Variants in PCSK5 observed in about 807,000 individuals in gnomAD.
The protein encoded by PCSK5 is proprotein convertase subtilisin/kexin type 5.
PCSK5 carries 129 observed loss-of-function variants against 233.2 expected under a neutral mutation model. The observed-to-expected ratio is 0.55, with a 90% CI of 0.48 to 0.64. The LOEUF (loss-of-function observed/expected upper bound fraction) is 0.64, where lower values mean the gene tolerates loss of function less well. Among genes scored for constraint, PCSK5 ranks in the 30% least tolerant of loss-of-function variants. The pLI is 0.00. For missense variants in PCSK5, 2,076 were observed against 2,430.1 expected, an observed-to-expected ratio of 0.85 and a Z score of 3.06; for synonymous variants, 825 against 879.2, an observed-to-expected ratio of 0.94 and a Z score of 1.09.
chr9:75,937,123 C>T (rs1824090271), intron 2 of PCSK5, among the ~76,000 whole-genome samples: 1 of 151,164 alleles, frequency 6.6e-6, no homozygotes, highest in East Asian at 2.0e-4. Flanking sequence ...GATGTGCTGT[C>T]ATCCAGGCTT....
At chr9:75,929,965 T>C (rs997964503) in intron 1 of PCSK5, among the ~76,000 whole-genome samples, 1 of 151,528 alleles carries the variant, frequency 6.6e-6, no homozygotes, top group African/African-American at 2.4e-5. Flanking sequence ...CAGATTCAAG[T>C]GATTCTTCTG....
chr9:76,362,899 T>G lies in PCSK5; in HGVS notation c.*3977T>G, dbSNP rs142014845. Among the ~76,000 whole-genome samples the G allele has an allele frequency of 5.3e-5, 8 of 152,254 alleles. No individual in the cohort carries two copies. The highest frequency in any genetic ancestry group is 1.9e-4 in the African/African-American group (8 of 41,540). ...GTGAGCCCTTAAAAGGGACAGGAAT[T>G]GCTCACTCGGGGAGCTCGGCTCTTG... On this transcript the variant is annotated 3_prime_UTR_variant, in exon 38 of 38. Transcript: ENST00000674117.
chr9:75,958,237 C>A (rs1825180654), intron 2 of PCSK5, among the ~76,000 whole-genome samples: 1 of 152,096 alleles, frequency 6.6e-6, no homozygotes, highest in Admixed American at 6.6e-5. Context: ...TTAAATGATA[C>A]CTGGGTGAGA....
intron 2 of PCSK5, among the ~76,000 whole-genome samples, chr9:75,977,045 G>A (rs962915430): frequency 6.6e-6 from 1 of 152,150 alleles, no homozygotes; most frequent in African/African-American, 2.4e-5. Context: ...AACGTCATAG[G>A]TTTCATTGAG....
chr9:76,054,709 A>T (rs1293138062), intron 5 of PCSK5, among the ~76,000 whole-genome samples: 1 of 152,242 alleles, frequency 6.6e-6, no homozygotes, highest in Non-Finnish European at 1.5e-5. Flanking sequence ...TTGCAAAAAT[A>T]GTACAGAGTT....
chr9:76,077,010 T>C (rs184487729), intron 7 of PCSK5, among the ~76,000 whole-genome samples: 63 of 152,154 alleles, frequency 4.1e-4, no homozygotes, highest in African/African-American at 1.4e-3. Flanking sequence ...TTCATGATGA[T>C]CTCAAAAGAT....
chr9:76,127,400 C>T (rs115911155), intron 9 of PCSK5, among the ~76,000 whole-genome samples: 2,084 of 152,218 alleles, frequency 0.014, 49 homozygotes, highest in African/African-American at 0.048. Flanking sequence ...GGCTAACCAT[C>T]AAGAGAGAAG....
chr9:76,001,700 T>C (rs1294270617), intron 3 of PCSK5, among the ~76,000 whole-genome samples: 1 of 152,142 alleles, frequency 6.6e-6, no homozygotes, highest in African/African-American at 2.4e-5. Context: ...GTATAATTAT[T>C]TCCCCTAATG....
chr9:75,995,711 A>G (rs1453550779), intron 3 of PCSK5, among the ~76,000 whole-genome samples: 1 of 149,186 alleles, frequency 6.7e-6, no homozygotes, highest in Non-Finnish European at 1.5e-5. Context: ...AGTAGTTGCA[A>G]ATGTTGATGA....
At chr9:76,114,159 G>A (rs1255334609) in intron 9 of PCSK5, among the ~76,000 whole-genome samples, 2 of 152,006 alleles carry the variant, frequency 1.3e-5, no homozygotes, top group South Asian at 2.1e-4. Flanking sequence ...AGCCTGAAGA[G>A]GGTGAAGAGA....
intron 30 of PCSK5, among the ~76,000 whole-genome samples, chr9:76,318,702 A>G (rs955224077): frequency 2.0e-5 from 3 of 152,182 alleles, no homozygotes; most frequent in Non-Finnish European, 4.4e-5. Flanking sequence ...GCTGTGTGCA[A>G]ATGTTCATAT....
chr9:76,267,285 A>G (rs958982432), intron 24 of PCSK5, among the ~76,000 whole-genome samples: 1 of 152,184 alleles, frequency 6.6e-6, no homozygotes, highest in Non-Finnish European at 1.5e-5. Flanking sequence ...AAAAGTAGAA[A>G]TGCAGGGGAG....
chr9:76,348,709 G>A (rs1455066288), intron 35 of PCSK5, among the ~76,000 whole-genome samples: 2 of 151,852 alleles, frequency 1.3e-5, no homozygotes, highest in Non-Finnish European at 2.9e-5. Flanking sequence ...GTTAATTATA[G>A]TCACCATGAG....
rs957242986 is a variant in PCSK5, at chr9:76,146,946, A to T, written c.1313-10099A>T. On this transcript the variant is annotated intron_variant, in intron 10 of 37. Coordinates refer to ENST00000674117, the MANE Select transcript of PCSK5 (RefSeq NM_001372043.1). ...CTGTGTAATAAAATACATATGTAAG[A>T]TATGAATTTTGCCTCCCCTATAAAA... Among the ~76,000 whole-genome samples, 5 of 152,290 alleles carry T rather than the reference A, an allele frequency of 3.3e-5. No individual in the cohort carries two copies. The East Asian group carries it at 7.7e-4, about 24-fold the overall frequency.
intron 24 of PCSK5, among the ~76,000 whole-genome samples, chr9:76,265,214 A>G (rs1023810789): frequency 3.3e-5 from 5 of 151,980 alleles, no homozygotes; most frequent in African/African-American, 1.2e-4. Context: ...TGGGGTACTC[A>G]TGGACATAAA....
At chr9:76,355,736 C>G (rs1830284545) in intron 37 of PCSK5, among the ~76,000 whole-genome samples, 1 of 151,562 alleles carries the variant, frequency 6.6e-6, no homozygotes, top group Non-Finnish European at 1.5e-5. Flanking sequence ...CAGAGTGTGG[C>G]TCTGTCACCC....
At chr9:76,263,470 C>T (rs1827242578) in intron 24 of PCSK5, among the ~76,000 whole-genome samples, 2 of 152,144 alleles carry the variant, frequency 1.3e-5, no homozygotes, top group African/African-American at 4.8e-5. Context: ...GAGTTCGTGT[C>T]CTTTGTAGGG....
intron 27 of PCSK5, among the ~76,000 whole-genome samples, chr9:76,299,317 C>G (rs1351047783): frequency 1.3e-5 from 2 of 152,202 alleles, no homozygotes; most frequent in Admixed American, 6.5e-5. Context: ...CAGACCCTCT[C>G]TCCTGGTCAC....
chr9:76,273,328 TG>T (rs1363607084), intron 24 of PCSK5, among the ~76,000 whole-genome samples: 1 of 152,070 alleles, frequency 6.6e-6, no homozygotes, highest in African/African-American at 2.4e-5. Context: ...CAGAATTCAT[TG>T]TGATATCTTT....
Sources: gnomAD v4.1 joint callset for allele counts (sites outside exome capture counted in the v4.1 genomes callset) on GRCh38, gnomAD v4.1.1 for gene constraint, MANE v1.5 for transcripts, NCBI Gene and HGNC (gene_info 2026-07-23, HGNC 2026-07-21) for gene names.